Variants in KCNB2 observed in about 807,000 individuals in gnomAD.
KCNB2 encodes the protein potassium voltage-gated channel subfamily B member 2, also known as delayed rectifier potassium channel protein.
A neutral mutation model predicts 61.5 loss-of-function variants in KCNB2; 15 were observed. The ratio of observed to expected loss-of-function variants is 0.24; its 90% CI spans 0.16 to 0.38. The LOEUF is 0.38. Ranked by LOEUF, KCNB2 falls within the 10% of genes least tolerant of loss-of-function variation. The probability of loss-of-function intolerance (pLI) is 1.00; values close to 1 mark genes in which losing one functional copy is unlikely to be tolerated. For missense variants in KCNB2, 828 were observed against 1,125.2 expected (o/e 0.74, Z 3.78); for synonymous variants, 457 against 446.0 (o/e 1.02, Z -0.31).
intron 2 of KCNB2, among the ~76,000 whole-genome samples, chr8:72,706,135 C>G (rs2128991480): frequency 6.6e-6 from 1 of 152,324 alleles, no homozygotes; most frequent in African/African-American, 2.4e-5. Context: ...GTGAAGAAGC[C>G]TGCATCTGGT....
At chr8:72,672,461 G>T (rs1806580290) in intron 2 of KCNB2, among the ~76,000 whole-genome samples, 1 of 152,184 alleles carries the variant, frequency 6.6e-6, no homozygotes, top group East Asian at 1.9e-4. Context: ...CATAAAATTT[G>T]ACAATTTGAC....
intron 2 of KCNB2, among the ~76,000 whole-genome samples, chr8:72,872,780 G>A (rs1805640235): frequency 6.6e-6 from 1 of 152,172 alleles, no homozygotes; most frequent in Non-Finnish European, 1.5e-5. Flanking sequence ...CAGCCATCAA[G>A]AAGAAAAGTA....
At chr8:72,694,542 C>T (rs1806987769) in intron 2 of KCNB2, among the ~76,000 whole-genome samples, 1 of 152,262 alleles carries the variant, frequency 6.6e-6, no homozygotes, top group Admixed American at 6.5e-5. Flanking sequence ...TCAAAATATT[C>T]TGAAAGATGG....
At chr8:72,783,822 T>A (rs1404456899) in intron 2 of KCNB2, among the ~76,000 whole-genome samples, 1 of 152,188 alleles carries the variant, frequency 6.6e-6, no homozygotes, top group Non-Finnish European at 1.5e-5. Flanking sequence ...CACACAAGAA[T>A]GGAAACAAGC....
chr8:72,851,617 G>A (rs1335509018), intron 2 of KCNB2, among the ~76,000 whole-genome samples: 4 of 151,726 alleles, frequency 2.6e-5, no homozygotes, highest in East Asian at 1.9e-4. Context: ...CTTCCACCCC[G>A]GACCTCTCAC....
chr8:72,903,642 G>C (rs1415047714), intron 2 of KCNB2, among the ~76,000 whole-genome samples: 1 of 152,146 alleles, frequency 6.6e-6, no homozygotes, highest in Non-Finnish European at 1.5e-5. Flanking sequence ...CCTGGCCAGA[G>C]AGTGAGGTTC....
rs1806958177 is a variant in KCNB2 at position 72,937,797 on chromosome 8, C to T, written c.2442C>T (p.Asp814=). 3 of 1,613,968 alleles carry T rather than the reference C, an allele frequency of 1.9e-6. No homozygotes were observed. Among genetic ancestry groups the T allele is most frequent in the Non-Finnish European group, 2.5e-6 (3 of 1,179,996 alleles). ...AAATAGATACTGGTGACGACGAAGA[C>T]TTCTTAGAGCTCCCAGGGGCAAGGG... ...FTEIDTGDDE[D]FLELPGAREE... The change falls in exon 3 of 3, where the codon GAC becomes GAT. Residue 814 remains aspartate, a synonymous_variant. Coordinates refer to ENST00000523207, the MANE Select transcript of KCNB2 (RefSeq NM_004770.3).
intron 2 of KCNB2, among the ~76,000 whole-genome samples, chr8:72,833,128 C>G (rs1809726074): frequency 6.6e-6 from 1 of 152,144 alleles, no homozygotes. Context: ...GAATCAAGAG[C>G]ATTGAAGGTA....
chr8:72,885,214 A>G (rs1371232571), intron 2 of KCNB2, among the ~76,000 whole-genome samples: 2 of 152,048 alleles, frequency 1.3e-5, no homozygotes, highest in Admixed American at 6.6e-5. Flanking sequence ...CATACTACTG[A>G]CCTAATTGAC....
At chr8:72,723,059 C>T (rs779331749) in intron 2 of KCNB2, among the ~76,000 whole-genome samples, 2 of 152,122 alleles carry the variant, frequency 1.3e-5, no homozygotes, top group African/African-American at 4.8e-5. Context: ...CATATTCTTG[C>T]GAGAATTAAC....
At chr8:72,912,726 A>C (rs891574902) in intron 2 of KCNB2, among the ~76,000 whole-genome samples, 1 of 152,048 alleles carries the variant, frequency 6.6e-6, no homozygotes. Context: ...AAGAAGATCA[A>C]TCAGGTAATG....
intron 2 of KCNB2, among the ~76,000 whole-genome samples, chr8:72,932,379 G>A (rs1806803627): frequency 6.6e-6 from 1 of 152,156 alleles, no homozygotes; most frequent in Admixed American, 6.5e-5. Context: ...TGGAGCCTCA[G>A]TAAATTTACC....
intron 2 of KCNB2, among the ~76,000 whole-genome samples, chr8:72,683,708 C>T (rs529687036): frequency 2.6e-5 from 4 of 152,154 alleles, no homozygotes; most frequent in South Asian, 4.1e-4. Context: ...AGAACAGATA[C>T]TGTACAGGCA....
intron 2 of KCNB2, among the ~76,000 whole-genome samples, chr8:72,773,932 A>G (rs1046938134): frequency 2.0e-5 from 3 of 148,292 alleles, no homozygotes; most frequent in African/African-American, 7.9e-5. Context: ...AAGTCCTGTG[A>G]ACTCAGATTC....
At chr8:72,576,192 G>A (rs1806791676) in intron 2 of KCNB2, among the ~76,000 whole-genome samples, 1 of 152,162 alleles carries the variant, frequency 6.6e-6, no homozygotes, top group Admixed American at 6.5e-5. Flanking sequence ...TAGCATTGGT[G>A]GTTTGATTCT....
At chr8:72,813,647 A>G (rs1339710569) in intron 2 of KCNB2, among the ~76,000 whole-genome samples, 2 of 152,172 alleles carry the variant, frequency 1.3e-5, no homozygotes, top group African/African-American at 4.8e-5. Flanking sequence ...CTCTGCCCCC[A>G]GAAAGTTTTA....
chr8:72,816,784 G>A (rs1194091829), intron 2 of KCNB2, among the ~76,000 whole-genome samples: 6 of 152,122 alleles, frequency 3.9e-5, no homozygotes, highest in African/African-American at 2.4e-5. Flanking sequence ...AATGTTAATT[G>A]CTCCTTTCCC....
intron 2 of KCNB2, among the ~76,000 whole-genome samples, chr8:72,728,522 C>T (rs1807687884): frequency 6.6e-6 from 1 of 152,110 alleles, no homozygotes; most frequent in Non-Finnish European, 1.5e-5. Context: ...ATGTTTCAAG[C>T]ACCATACTCT....
intron 2 of KCNB2, among the ~76,000 whole-genome samples, chr8:72,812,212 G>A (rs1401189394): frequency 6.6e-6 from 1 of 151,912 alleles, no homozygotes; most frequent in East Asian, 1.9e-4. Context: ...AGGTTACAGT[G>A]AGCAGAGATC....
Sources: allele counts gnomAD v4.1 joint callset (sites outside exome capture counted in the v4.1 genomes callset), GRCh38; gene constraint gnomAD v4.1.1; transcripts MANE v1.5; gene names NCBI Gene and HGNC (gene_info 2026-07-23, HGNC 2026-07-21).